The following GTPBP10 variants were observed in gnomAD, a reference collection of about 807,000 sequenced individuals.
GTPBP10 encodes GTP-binding protein 10.
GTPBP10 carries 38 observed loss-of-function variants against 44.8 expected under a neutral mutation model. That is an observed-to-expected ratio of 0.85 (90% CI 0.65 to 1.11). The LOEUF (loss-of-function observed/expected upper bound fraction) is 1.11. GTPBP10 is among the 50% of genes most tolerant of loss of function. GTPBP10 has a pLI of 0.00. For synonymous variants in GTPBP10, 152 were observed against 150.6 expected (o/e 1.01, Z -0.07); for missense variants, 462 against 453.7 (o/e 1.02, Z -0.17).
intron 1 of GTPBP10, among the ~76,000 whole-genome samples, chr7:90,349,621 A>T (rs975539357): frequency 2.0e-5 from 3 of 152,230 alleles, no homozygotes; most frequent in African/African-American, 7.2e-5. Flanking sequence ...TAGCAGCTTT[A>T]TAGATAAGGA....
intron 8 of GTPBP10, among the ~76,000 whole-genome samples, chr7:90,379,815 A>G (rs1796403485): frequency 6.6e-6 from 1 of 152,208 alleles, no homozygotes; most frequent in African/African-American, 2.4e-5. Context: ...ATTTTTCCAC[A>G]TGAATGTCAA....
At chr7:90,379,575 G>C (rs1215679971) in intron 8 of GTPBP10, among the ~76,000 whole-genome samples, 4 of 152,164 alleles carry the variant, frequency 2.6e-5, no homozygotes, top group Non-Finnish European at 5.9e-5. Flanking sequence ...GGATTTTATA[G>C]ATCCTATTTC....
intron 1 of GTPBP10, 136 bp downstream of exon 1, chr7:90,346,910 C>T (rs1795687318): frequency 5.4e-6 from 5 of 924,550 alleles, no homozygotes; most frequent in Admixed American, 2.0e-5. Context: ...TCCGCCCCTC[C>T]TGTAGTGGCG....
chr7:90,378,168 C>T lies in GTPBP10; in HGVS notation c.734C>T (p.Thr245Ile). ...TCTGGATTTCAGCTTTCTTCTCACA[C>T]TCAATACAGGACAGCTTTTGAAACC... ...DISGFQLSSH[T>I]QYRTAFETII... The change falls in exon 8 of 10, where the codon ACT becomes ATT. Residue 245 changes from threonine (T) to isoleucine (I), a missense_variant. Coordinates refer to ENST00000222511, the MANE Select transcript of GTPBP10 (RefSeq NM_033107.4). 1 of 1,613,080 alleles carries T rather than the reference C, an allele frequency of 6.2e-7. No individual in the cohort carries two copies. Among genetic ancestry groups the T allele is most frequent in the South Asian group, 1.1e-5 (1 of 91,004 alleles).
chr7:90,378,934 C>T (rs2115755387), intron 8 of GTPBP10, among the ~76,000 whole-genome samples: 1 of 152,238 alleles, frequency 6.6e-6, no homozygotes, highest in South Asian at 2.1e-4. Flanking sequence ...AACACCTGAC[C>T]ACAGGTAATC....
chr7:90,346,726 C>T lies in GTPBP10; in HGVS notation c.-16C>T, dbSNP rs763845371. The T allele has an allele frequency of 1.5e-5, 25 of 1,614,096 alleles. No homozygotes were observed. Among genetic ancestry groups the T allele is most frequent in the Non-Finnish European group, 1.9e-5 (23 of 1,180,026 alleles). On this transcript the variant is annotated 5_prime_UTR_variant, in exon 1 of 10. Transcript: ENST00000222511. The stretch of plus-strand genomic sequence containing the variant: ...TGTGCCGCTTCCGCAAGAAGGTTTC[C>T]TGGCCTGTTGCAGCCATGGTGCATT...
At chr7:90,362,534 A>G (rs577965574) in intron 4 of GTPBP10, among the ~76,000 whole-genome samples, 1 of 152,294 alleles carries the variant, frequency 6.6e-6, no homozygotes, top group East Asian at 1.9e-4. Flanking sequence ...ACATTTGCTA[A>G]GGAGTGCTTT....
intron 4 of GTPBP10, among the ~76,000 whole-genome samples, chr7:90,360,278 T>A (rs1795989284): frequency 6.6e-6 from 1 of 152,158 alleles, no homozygotes; most frequent in South Asian, 2.1e-4. Context: ...TTTACGACTA[T>A]CATTTAAGTC....
chr7:90,379,959 C>G (rs1316068125), intron 8 of GTPBP10, among the ~76,000 whole-genome samples: 1 of 151,506 alleles, frequency 6.6e-6, no homozygotes, highest in Admixed American at 6.6e-5. Context: ...TTAGGCATTT[C>G]TGTGTCTTTG....
chr7:90,373,788 A>G (rs1469626052), intron 5 of GTPBP10, among the ~76,000 whole-genome samples: 1 of 152,198 alleles, frequency 6.6e-6, no homozygotes, highest in Non-Finnish European at 1.5e-5. Flanking sequence ...TTCAGTAATT[A>G]CATTAGGCCT....
intron 4 of GTPBP10, among the ~76,000 whole-genome samples, chr7:90,360,023 T>C (rs566875126): frequency 6.6e-6 from 1 of 152,370 alleles, no homozygotes; most frequent in Non-Finnish European, 1.5e-5. Flanking sequence ...GAGTACTTTG[T>C]AGATTCTGGA....
At chr7:90,349,382 C>T (rs1373354657) in intron 1 of GTPBP10, among the ~76,000 whole-genome samples, 1 of 152,134 alleles carries the variant, frequency 6.6e-6, no homozygotes, top group Non-Finnish European at 1.5e-5. Context: ...GACACCACTT[C>T]AGTGCCTTTG....
chr7:90,375,300 G>A (rs1796325322), intron 6 of GTPBP10, among the ~76,000 whole-genome samples: 1 of 151,946 alleles, frequency 6.6e-6, no homozygotes, highest in East Asian at 1.9e-4. Flanking sequence ...AATACATATA[G>A]TAAAGTATGA....
At chr7:90,356,186 T>C (rs1041370099) in intron 4 of GTPBP10, among the ~76,000 whole-genome samples, 1 of 152,176 alleles carries the variant, frequency 6.6e-6, no homozygotes, top group African/African-American at 2.4e-5. Context: ...CCCTCGTCTT[T>C]TGCCCTGCCT....
Position 90,390,615 on chromosome 7 carries a change from T to C in GTPBP10, c.*5461T>C, listed in dbSNP as rs1222499644. 1.3e-5 allele frequency: 2 copies of C among 152,234 alleles called. No homozygotes were observed. Among genetic ancestry groups the C allele is most frequent in the African/African-American group, 2.4e-5 (1 of 41,462 alleles). 9.4% of individuals were successfully genotyped at this position (152,234 alleles called of 1,614,324 possible). ...AGAACAGGACATGCAGCTTATGTTA[T>C]AATTAATTTGCGAGCAATATATGGC... On this transcript the variant is annotated 3_prime_UTR_variant, in exon 10 of 10. Transcript: ENST00000222511.
At chr7:90,356,644 T>G (rs1795906775) in intron 4 of GTPBP10, among the ~76,000 whole-genome samples, 1 of 152,220 alleles carries the variant, frequency 6.6e-6, no homozygotes. Flanking sequence ...TTTTTTCTTT[T>G]CTTTTCTCTC....
chr7:90,372,370 C>T (rs1409419957), intron 5 of GTPBP10, 142 bp downstream of exon 5: 18 of 582,128 alleles, frequency 3.1e-5, no homozygotes, highest in Admixed American at 6.2e-5. Flanking sequence ...GTTGCACAGG[C>T]CAAAGTGCAG....
chr7:90,351,874 T>C (rs1795797333), intron 1 of GTPBP10, among the ~76,000 whole-genome samples: 1 of 152,118 alleles, frequency 6.6e-6, no homozygotes, highest in African/African-American at 2.4e-5. Flanking sequence ...TTTTTTGTAT[T>C]TTTAGTAGAG....
chr7:90,362,417 T>C (rs1328562053), intron 4 of GTPBP10, among the ~76,000 whole-genome samples: 1 of 152,242 alleles, frequency 6.6e-6, no homozygotes, highest in Non-Finnish European at 1.5e-5. Context: ...GAGCAGGTTA[T>C]TCAGTTTCCA....
Sources: allele counts gnomAD v4.1 joint callset (sites outside exome capture counted in the v4.1 genomes callset), GRCh38; gene constraint gnomAD v4.1.1; transcripts MANE v1.5; gene names NCBI Gene and HGNC (gene_info 2026-07-23, HGNC 2026-07-21).